The following WDR7 variants were observed in gnomAD, a reference collection of about 807,000 sequenced individuals.
WDR7 encodes WD repeat-containing protein 7.
Under a neutral mutation model 169.4 loss-of-function variants are expected in WDR7, and 46 were observed. That is an observed-to-expected ratio of 0.27 (90% CI 0.21 to 0.35). The LOEUF (loss-of-function observed/expected upper bound fraction) is 0.35, where lower values mean the gene tolerates loss of function less well. WDR7 is among the 10% of genes least tolerant of loss of function. The pLI, the probability that WDR7 is intolerant of heterozygous loss-of-function variation, is 1.00. For missense variants in WDR7, 1,534 were observed against 1,859.3 expected, an observed-to-expected ratio of 0.83 and a Z score of 3.22; for synonymous variants, 612 against 666.8, an observed-to-expected ratio of 0.92 and a Z score of 1.27.
rs181414700 is a variant in WDR7, at chr18:56,676,945, C to G, written c.160-2387C>G. On this transcript the variant is annotated intron_variant, in intron 2 of 27. Coordinates refer to ENST00000254442, the MANE Select transcript of WDR7 (RefSeq NM_015285.3). ...AACTTTTTATTGTTACTAATTATAT[C>G]TTATTGTACCGTCTGTGTCTTGAAA... Among the ~76,000 whole-genome samples the G allele has an allele frequency of 4.6e-5, 7 of 152,260 alleles. No individual in the cohort carries two copies. In the East Asian group the frequency reaches 1.4e-3, roughly 29 times the overall value.
chr18:56,711,256 A>C (rs1040845594), intron 12 of WDR7, among the ~76,000 whole-genome samples: 1 of 152,034 alleles, frequency 6.6e-6, no homozygotes, highest in Non-Finnish European at 1.5e-5. Flanking sequence ...GAAGCTTGAA[A>C]TCTTATCCCA....
intron 21 of WDR7, among the ~76,000 whole-genome samples, chr18:56,916,469 A>T (rs151059196): frequency 2.4e-4 from 36 of 152,332 alleles, no homozygotes; most frequent in African/African-American, 7.9e-4. Flanking sequence ...ATGGCTGCAT[A>T]GTATTCCATG....
chr18:56,702,347 T>TTAC (rs2025852820), intron 12 of WDR7, among the ~76,000 whole-genome samples: 1 of 152,188 alleles, frequency 6.6e-6, no homozygotes, highest in Non-Finnish European at 1.5e-5. Flanking sequence ...TCCACATAGG[T>TTAC]TACTCTTAGA....
In WDR7 at chr18:56,770,820, T is replaced by C. The variant is rs139388384; in HGVS notation, c.2849-5962T>C. ...ATCCTTTTTTTTTCCCTAAGAATCT[T>C]TGGACATTGCATTTCTATATTGCTT... On this transcript the variant is annotated intron_variant, in intron 16 of 27. Coordinates refer to ENST00000254442, the MANE Select transcript of WDR7 (RefSeq NM_015285.3). Among the ~76,000 whole-genome samples, 23 of 152,318 alleles carry C rather than the reference T, an allele frequency of 1.5e-4. No homozygotes were observed. The East Asian group carries it at 4.2e-3, about 28-fold the overall frequency.
At chr18:56,936,171 T>A in intron 23 of WDR7, 1 of 389,578 alleles carries the variant, frequency 2.6e-6, no homozygotes, top group Non-Finnish European at 4.6e-6. Context: ...TTTTTCAATC[T>A]GAATTACAGC....
intron 13 of WDR7, among the ~76,000 whole-genome samples, chr18:56,727,551 A>G (rs1305457474): frequency 2.6e-5 from 4 of 152,134 alleles, no homozygotes; most frequent in Non-Finnish European, 1.5e-5. Flanking sequence ...CGAAGGGGAA[A>G]GCCCCTTGTA....
intron 19 of WDR7, among the ~76,000 whole-genome samples, chr18:56,791,992 ATTT>A (rs141664781): frequency 6.6e-6 from 1 of 150,384 alleles, no homozygotes. Flanking sequence ...GAAAAATACA[ATTT>A]TTTTTTTCCT....
intron 16 of WDR7, among the ~76,000 whole-genome samples, chr18:56,772,429 G>A (rs987510073): frequency 1.3e-5 from 2 of 152,080 alleles, no homozygotes; most frequent in African/African-American, 4.8e-5. Context: ...CCGAAGAGAT[G>A]GTTCAAGGAA....
rs780905215 is a variant in WDR7 at position 56,861,714 on chromosome 18, T to C, written c.3305-18230T>C. ...CACTGATTTTCTGTATTTGTCACTT[T>C]AGGAGTGAACAGCATGTTAAGGTTT... On this transcript the variant is annotated intron_variant, in intron 20 of 27. Transcript: ENST00000254442. Among the ~76,000 whole-genome samples, 5 of 152,314 alleles carry C rather than the reference T, an allele frequency of 3.3e-5. No individual in the cohort carries two copies. In the East Asian group the frequency reaches 7.7e-4, roughly 24 times the overall value.
In WDR7 at chr18:56,816,022, T is replaced by C; in HGVS notation, c.3191-9T>C. The C allele has an allele frequency of 6.4e-7, 1 of 1,572,352 alleles. No homozygotes were observed. Among genetic ancestry groups the C allele is most frequent in the Non-Finnish European group, 8.6e-7 (1 of 1,164,864 alleles). On this transcript the variant is annotated splice_polypyrimidine_tract_variant and intron_variant, in intron 19 of 27. Transcript: ENST00000254442. ...TGAAGTGAAGCCTTGTGATTCATATTTGTTTTAGCTGGAGTCACATCAGAA... is the reference window on the plus strand; with the variant it reads ...TGAAGTGAAGCCTTGTGATTCATATCTGTTTTAGCTGGAGTCACATCAGAA...
chr18:56,761,637 T>C (rs1203027407), intron 16 of WDR7, among the ~76,000 whole-genome samples: 1 of 151,998 alleles, frequency 6.6e-6, no homozygotes, highest in Non-Finnish European at 1.5e-5. Flanking sequence ...TATCTCTGCA[T>C]TTATTTAGGT....
intron 21 of WDR7, among the ~76,000 whole-genome samples, chr18:56,894,977 A>G (rs576933780): frequency 6.6e-6 from 1 of 152,196 alleles, no homozygotes; most frequent in African/African-American, 2.4e-5. Context: ...TCTTTTCCAC[A>G]TAAGGACTCT....
chr18:56,848,702 G>A (rs1352763169), intron 20 of WDR7, among the ~76,000 whole-genome samples: 1 of 152,044 alleles, frequency 6.6e-6, no homozygotes, highest in Admixed American at 6.6e-5. Context: ...TCATGTGAGA[G>A]CTGATTGTTT....
intron 21 of WDR7, among the ~76,000 whole-genome samples, chr18:56,913,890 G>T (rs1362184135): frequency 6.6e-6 from 1 of 152,090 alleles, no homozygotes; most frequent in African/African-American, 2.4e-5. Context: ...TGAGCCGTTG[G>T]GAGCCTCTCA....
chr18:56,997,879 T>C (rs927278292), intron 26 of WDR7, among the ~76,000 whole-genome samples: 2 of 152,202 alleles, frequency 1.3e-5, no homozygotes, highest in Non-Finnish European at 2.9e-5. Context: ...AATTCAATTA[T>C]ATGTCTCCTG....
intron 20 of WDR7, among the ~76,000 whole-genome samples, chr18:56,829,898 T>C (rs746089586): frequency 1.3e-5 from 2 of 152,180 alleles, no homozygotes; most frequent in Admixed American, 6.5e-5. Flanking sequence ...TTGACCATAG[T>C]TGAGGATCAT....
chr18:56,879,409 T>C (rs1215577331), intron 20 of WDR7, among the ~76,000 whole-genome samples: 2 of 152,228 alleles, frequency 1.3e-5, no homozygotes, highest in Non-Finnish European at 2.9e-5. Flanking sequence ...TGTTGACCAT[T>C]CATACAACTT....
At chr18:56,918,756 T>C (rs2046667376) in intron 21 of WDR7, among the ~76,000 whole-genome samples, 2 of 152,188 alleles carry the variant, frequency 1.3e-5, no homozygotes, top group African/African-American at 4.8e-5. Context: ...CTCTTAGAAA[T>C]TTCTGACCTG....
intron 19 of WDR7, among the ~76,000 whole-genome samples, chr18:56,787,861 A>C (rs1206808167): frequency 6.6e-6 from 1 of 152,216 alleles, no homozygotes; most frequent in African/African-American, 2.4e-5. Context: ...TAGTAAAAAT[A>C]GTTTAAATAT....
Sources: allele counts gnomAD v4.1 joint callset (sites outside exome capture counted in the v4.1 genomes callset), GRCh38; gene constraint gnomAD v4.1.1; transcripts MANE v1.5; gene names NCBI Gene and HGNC (gene_info 2026-07-23, HGNC 2026-07-21).